Variants in TULP4 observed in about 807,000 individuals in gnomAD.
TULP4 encodes the protein TUB like protein 4, also known as tubby-related protein 4.
Under a neutral mutation model 129.0 loss-of-function variants are expected in TULP4, and 16 were observed. That is an observed-to-expected ratio of 0.12 (90% CI 0.08 to 0.19). TULP4 has a LOEUF of 0.19. TULP4 is among the 10% of genes least tolerant of loss of function. TULP4 has a pLI of 1.00. For missense variants in TULP4, 1,842 were observed against 2,059.1 expected (o/e 0.89, Z 2.04); for synonymous variants, 998 against 854.0 (o/e 1.17, Z -2.94).
intron 1 of TULP4, among the ~76,000 whole-genome samples, chr6:158,236,385 A>G (rs1562489061): frequency 6.6e-6 from 1 of 152,260 alleles, no homozygotes; most frequent in Non-Finnish European, 1.5e-5. Context: ...ATCAATAAGA[A>G]AAAGATGAAC....
At chr6:158,354,792 G>A (rs561158027) in intron 1 of TULP4, among the ~76,000 whole-genome samples, 134 of 151,518 alleles carry the variant, frequency 8.8e-4, no homozygotes, top group African/African-American at 3.2e-3. Context: ...GGAAGCTGAG[G>A]CGGGATGATT....
chr6:158,288,513 T>C (rs1167728786), intron 1 of TULP4, among the ~76,000 whole-genome samples: 1 of 152,092 alleles, frequency 6.6e-6, no homozygotes, highest in Non-Finnish European at 1.5e-5. Context: ...TGAATTTTTT[T>C]TTTTTAAGAA....
At chr6:158,247,059 A>T (rs889115772) in intron 1 of TULP4, among the ~76,000 whole-genome samples, 1 of 152,238 alleles carries the variant, frequency 6.6e-6, no homozygotes, top group African/African-American at 2.4e-5. Flanking sequence ...ATAATGTAAG[A>T]TACTGATTTC....
intron 1 of TULP4, among the ~76,000 whole-genome samples, chr6:158,356,115 A>G (rs1780642867): frequency 6.6e-6 from 1 of 152,234 alleles, no homozygotes. Context: ...TTATACTTCA[A>G]TAAAGTTAAT....
chr6:158,439,170 C>CA (rs10679091), intron 3 of TULP4, among the ~76,000 whole-genome samples: 6,210 of 148,238 alleles, frequency 0.042, 426 homozygotes, highest in African/African-American at 0.14. Context: ...GACTCCGTCT[C>CA]AAAAAAAAAA....
chr6:158,350,098 C>T lies in TULP4; in HGVS notation c.252+35830C>T, dbSNP rs566351693. On this transcript the variant is annotated intron_variant, in intron 1 of 13. Coordinates refer to ENST00000367097, the MANE Select transcript of TULP4 (RefSeq NM_020245.5). ...CACTCCACTTCCCAGACGGGGCAGC[C>T]GGGCAGAGGCGCTCCTCACTTCCCA... 2.6e-3 allele frequency among the ~76,000 whole-genome samples: 377 copies of T among 145,440 alleles called. 2 individuals carry two copies. The highest frequency in any genetic ancestry group is 4.2e-3 in the South Asian group (19 of 4,528).
chr6:158,505,932 G>A (rs1363893222), intron 13 of TULP4, among the ~76,000 whole-genome samples: 2 of 151,412 alleles, frequency 1.3e-5, no homozygotes, highest in Non-Finnish European at 2.9e-5. Context: ...CGTGCATAAT[G>A]GGGGGTGGGC....
intron 1 of TULP4, among the ~76,000 whole-genome samples, chr6:158,268,098 C>T (rs1221433448): frequency 7.3e-6 from 1 of 136,448 alleles, no homozygotes; most frequent in South Asian, 2.3e-4. Context: ...TGCAGTGGTG[C>T]GATCCTGGCT....
chr6:158,337,035 T>TTCTTTC (rs1554281465), intron 1 of TULP4, among the ~76,000 whole-genome samples: 854 of 26,672 alleles, frequency 0.032, 16 homozygotes, highest in African/African-American at 0.055. Context: ...CTTTCTTTCT[T>TTCTTTC]TTTCTTTCTT....
At chr6:158,443,944 G>T (rs1176770398) in intron 3 of TULP4, among the ~76,000 whole-genome samples, 1 of 152,056 alleles carries the variant, frequency 6.6e-6, no homozygotes, top group Non-Finnish European at 1.5e-5. Context: ...TTTTGGCCGG[G>T]TGCGGTGGCT....
chr6:158,425,085 C>T (rs549884033), intron 2 of TULP4, among the ~76,000 whole-genome samples: 11 of 120,666 alleles, frequency 9.1e-5, no homozygotes, highest in African/African-American at 3.5e-4. Flanking sequence ...ACTCGGTAGG[C>T]GGAGCTTGCA....
At chr6:158,430,741 A>G (rs1048270682) in intron 3 of TULP4, among the ~76,000 whole-genome samples, 2 of 152,172 alleles carry the variant, frequency 1.3e-5, no homozygotes, top group African/African-American at 2.4e-5. Context: ...GCGATACTCC[A>G]TCTCAAAAAT....
chr6:158,304,867 A>G (rs903962346), intron 1 of TULP4, among the ~76,000 whole-genome samples: 2 of 151,710 alleles, frequency 1.3e-5, no homozygotes, highest in Non-Finnish European at 2.9e-5. Flanking sequence ...GGGTCTTGCT[A>G]TATTGTCCAT....
intron 1 of TULP4, among the ~76,000 whole-genome samples, chr6:158,263,837 C>T (rs1199451372): frequency 1.3e-5 from 2 of 151,996 alleles, no homozygotes; most frequent in Admixed American, 1.3e-4. Context: ...CCTAGGCGGG[C>T]GGATCACCTG....
chr6:158,504,321 GTT>G, intron 13 of TULP4, 143 bp downstream of exon 13: 1 of 686,396 alleles, frequency 1.5e-6, no homozygotes, highest in Non-Finnish European at 2.4e-6. Flanking sequence ...TGGGGTTATG[GTT>G]TTTAGTGTGC....
intron 1 of TULP4, among the ~76,000 whole-genome samples, chr6:158,302,481 A>G (rs1035307012): frequency 1.1e-4 from 17 of 152,160 alleles, no homozygotes; most frequent in Non-Finnish European, 2.5e-4. Flanking sequence ...TTTCTTTTTT[A>G]CTAGAAACAC....
intron 6 of TULP4, among the ~76,000 whole-genome samples, chr6:158,471,973 C>A (rs1779693050): frequency 6.6e-6 from 1 of 152,094 alleles, no homozygotes; most frequent in South Asian, 2.1e-4. Context: ...CAGCATTGTC[C>A]CCACTTCATC....
At chr6:158,255,035 G>A (rs1206844250) in intron 1 of TULP4, among the ~76,000 whole-genome samples, 4 of 152,216 alleles carry the variant, frequency 2.6e-5, no homozygotes, top group Admixed American at 1.3e-4. Context: ...TTGCGCCACT[G>A]CACTCCAGCC....
Position 158,313,730 on chromosome 6 carries a change from C to T in TULP4, c.-287C>T, listed in dbSNP as rs771648329. On this transcript the variant is annotated 5_prime_UTR_variant, in exon 1 of 14. In the 5' UTR this introduces an upstream ATG that the reference lacks. Coordinates refer to ENST00000367097, the MANE Select transcript of TULP4 (RefSeq NM_020245.5). ...ATGCTCTTTCTCCAAAGGATCAGCA[C>T]GTTCTTCCTCTGAGAACTTGAAAAT... The T allele has an allele frequency of 1.0e-5, 5 of 502,294 alleles. No individual in the cohort carries two copies. Among genetic ancestry groups the T allele is most frequent in the African/African-American group, 1.9e-5 (1 of 51,408 alleles). 31.1% of individuals were successfully genotyped at this position (502,294 alleles called of 1,614,324 possible).
Sources: gnomAD v4.1 joint callset for allele counts (sites outside exome capture counted in the v4.1 genomes callset) on GRCh38, gnomAD v4.1.1 for gene constraint, MANE v1.5 for transcripts, NCBI Gene and HGNC (gene_info 2026-07-23, HGNC 2026-07-21) for gene names.